TBC1D9: variants seen among roughly 807,000 people sequenced by gnomAD.
TBC1D9 encodes TBC1 domain family member 9, also known as TBC1 domain family member 9A.
A neutral mutation model predicts 132.0 loss-of-function variants in TBC1D9; 63 were observed. That is an observed-to-expected ratio of 0.48 (90% CI 0.39 to 0.59). The LOEUF (loss-of-function observed/expected upper bound fraction) is 0.59, where lower values mean the gene tolerates loss of function less well. Among genes scored for constraint, TBC1D9 ranks in the 20% least tolerant of loss-of-function variants. The probability of loss-of-function intolerance (pLI) is 0.00; values close to 1 mark genes in which losing one functional copy is unlikely to be tolerated. For missense variants in TBC1D9, 1,261 were observed against 1,592.7 expected, an observed-to-expected ratio of 0.79 and a Z score of 3.54; for synonymous variants, 610 against 609.9, an observed-to-expected ratio of 1.00 and a Z score of 0.00.
At chr4:140,704,891 C>A (rs1397355757) in intron 1 of TBC1D9, among the ~76,000 whole-genome samples, 1 of 152,252 alleles carries the variant, frequency 6.6e-6, no homozygotes, top group Non-Finnish European at 1.5e-5. Context: ...TCTGCATTCA[C>A]AACTGGCGCC....
chr4:140,712,565 A>C (rs1050339224), intron 1 of TBC1D9, among the ~76,000 whole-genome samples: 2 of 150,848 alleles, frequency 1.3e-5, no homozygotes, highest in Admixed American at 6.6e-5. Flanking sequence ...ACATGGTGAA[A>C]GCCCATCTCT....
intron 2 of TBC1D9, among the ~76,000 whole-genome samples, chr4:140,694,469 G>A (rs1365496303): frequency 2.6e-5 from 4 of 151,736 alleles, no homozygotes; most frequent in Admixed American, 2.0e-4. Flanking sequence ...TATGCGGGAG[G>A]GTGAGGCAGG....
intron 1 of TBC1D9, among the ~76,000 whole-genome samples, chr4:140,714,986 G>C (rs1307609763): frequency 6.6e-6 from 1 of 152,146 alleles, no homozygotes; most frequent in Non-Finnish European, 1.5e-5. Context: ...GCCAGGTGTG[G>C]CGTTGTGCAC....
intron 20 of TBC1D9, among the ~76,000 whole-genome samples, chr4:140,623,247 T>C (rs897482736): frequency 1.3e-5 from 2 of 152,080 alleles, no homozygotes; most frequent in African/African-American, 2.4e-5. Flanking sequence ...CTTTGCGTTT[T>C]TTGTAGAGAT....
intron 1 of TBC1D9, among the ~76,000 whole-genome samples, chr4:140,718,525 G>A (rs1377661558): frequency 6.6e-6 from 1 of 152,068 alleles, no homozygotes; most frequent in Admixed American, 6.6e-5. Flanking sequence ...ACAGTCCAAT[G>A]AATAAGCAAC....
At chr4:140,681,702 G>A (rs1737704844) in intron 3 of TBC1D9, among the ~76,000 whole-genome samples, 1 of 152,164 alleles carries the variant, frequency 6.6e-6, no homozygotes, top group African/African-American at 2.4e-5. Flanking sequence ...GCCACTTTCT[G>A]AAACAGAGAT....
intron 13 of TBC1D9, among the ~76,000 whole-genome samples, chr4:140,655,963 C>G (rs1737260839): frequency 6.6e-6 from 1 of 152,174 alleles, no homozygotes; most frequent in Non-Finnish European, 1.5e-5. Flanking sequence ...AGAGTTCAAT[C>G]TGAGCTGCTA....
chr4:140,739,856 T>A (rs1341761816), intron 1 of TBC1D9, among the ~76,000 whole-genome samples: 2 of 152,184 alleles, frequency 1.3e-5, no homozygotes, highest in African/African-American at 2.4e-5. Context: ...AAATTTTTTT[T>A]AAACAGAAGC....
chr4:140,699,332 T>C (rs1358733114), intron 2 of TBC1D9, among the ~76,000 whole-genome samples: 1 of 152,166 alleles, frequency 6.6e-6, no homozygotes. Context: ...GGACTGCACA[T>C]AGTGATTTCC....
intron 13 of TBC1D9, among the ~76,000 whole-genome samples, chr4:140,651,044 C>T (rs566040506): frequency 2.0e-5 from 3 of 152,312 alleles, no homozygotes; most frequent in African/African-American, 7.2e-5. Context: ...ATAATTCCTA[C>T]CTCTTTGGAA....
At chr4:140,657,936 T>C in intron 11 of TBC1D9, 124 bp from the exon 12 acceptor site, 2 of 1,104,826 alleles carry the variant, frequency 1.8e-6, no homozygotes, top group Non-Finnish European at 2.6e-6. Context: ...TGTTCTGCTG[T>C]GACTGTTACT....
chr4:140,747,686 C>T (rs1738859443), intron 1 of TBC1D9, among the ~76,000 whole-genome samples: 1 of 152,172 alleles, frequency 6.6e-6, no homozygotes, highest in Non-Finnish European at 1.5e-5. Flanking sequence ...CCATAAGGGG[C>T]TGCTGAGTAA....
chr4:140,691,434 C>T (rs539710231), intron 2 of TBC1D9, among the ~76,000 whole-genome samples: 1 of 152,308 alleles, frequency 6.6e-6, no homozygotes, highest in South Asian at 2.1e-4. Context: ...TATGAAGCTC[C>T]TTTGTCATGA....
At position 140,639,085 on chromosome 4, in the gene TBC1D9, C is replaced by G; in HGVS notation, c.2505+1G>C. The G allele has an allele frequency of 6.3e-7, 1 of 1,586,232 alleles. No individual in the cohort carries two copies. The highest frequency in any genetic ancestry group is 8.6e-7 in the Non-Finnish European group (1 of 1,164,808). ...GGGCATGAATTTACCTTGCAACTCA[C>G]CTTGAAAAGAGCATAAAGTTCTTCC... On this transcript the variant is annotated splice_donor_variant, in intron 15 of 20. Coordinates refer to ENST00000442267, the MANE Select transcript of TBC1D9 (RefSeq NM_015130.3). LOFTEE classifies it high-confidence loss of function.
intron 1 of TBC1D9, among the ~76,000 whole-genome samples, chr4:140,748,799 A>G (rs147369443): frequency 9.5e-4 from 144 of 152,366 alleles, no homozygotes; most frequent in African/African-American, 3.3e-3. Context: ...TAAAGGAAAG[A>G]GTAAATGATG....
Position 140,657,099 on chromosome 4 carries a change from C to T in TBC1D9, c.2335G>A (p.Glu779Lys), listed in dbSNP as rs13118702. The change falls in exon 13 of 21, where the codon GAG becomes AAG. Residue 779 changes from glutamate to lysine, a missense_variant and splice_region_variant. Around this residue, in one of 3 missense-constraint regions of TBC1D9, gnomAD observed 618 missense variants for 724.4 expected, o/e 0.85. Coordinates refer to ENST00000442267, the MANE Select transcript of TBC1D9 (RefSeq NM_015130.3). ...DIFRLIRTSY[E>K]KFGTIRADLI... The stretch of plus-strand genomic sequence containing the variant: ...CTCAGCCAGGAGACAAGACCTACCT[C>T]GTAGGAAGTTCTGATGAGTCTAAAG... 0.021 allele frequency: 33,147 copies of T among 1,613,160 alleles called. 451 individuals carry two copies. The highest frequency in any genetic ancestry group is 0.036 in the South Asian group (3,261 of 90,920).
rs1267062111 is a variant in TBC1D9, at chr4:140,701,631, G to C, written c.131-17C>G. 6.3e-7 allele frequency: 1 copy of C among 1,596,322 alleles called. No individual in the cohort carries two copies. Among genetic ancestry groups the C allele is most frequent in the South Asian group, 1.1e-5 (1 of 90,630 alleles). On this transcript the variant is annotated splice_polypyrimidine_tract_variant and intron_variant, in intron 1 of 20. Coordinates refer to ENST00000442267, the MANE Select transcript of TBC1D9 (RefSeq NM_015130.3). ...CCAGCAGGCCTGAGGGTGGAAAGTG[G>C]GGAGAAACAGGTAAGAATTGCCTTA...
At chr4:140,644,833 T>C in intron 13 of TBC1D9, 1 of 420,604 alleles carries the variant, frequency 2.4e-6, no homozygotes, top group Non-Finnish European at 4.7e-6. Flanking sequence ...AGGCAGGTGA[T>C]CTCTGGGAAT....
intron 1 of TBC1D9, among the ~76,000 whole-genome samples, chr4:140,749,474 G>T (rs1434118635): frequency 6.6e-6 from 1 of 152,030 alleles, no homozygotes; most frequent in Non-Finnish European, 1.5e-5. Context: ...CAAGTCACAT[G>T]GACATTAACT....
Sources: allele counts gnomAD v4.1 joint callset (sites outside exome capture counted in the v4.1 genomes callset), GRCh38; gene constraint gnomAD v4.1.1; regional missense constraint gnomAD v4.1.1; transcripts MANE v1.5; gene names NCBI Gene and HGNC (gene_info 2026-07-23, HGNC 2026-07-21).